The following ADCY8 variants were observed in gnomAD, a reference collection of about 807,000 sequenced individuals.
ADCY8 encodes the protein adenylate cyclase 8, also known as adenylate cyclase type 8.
Under a neutral mutation model 119.7 loss-of-function variants are expected in ADCY8, and 51 were observed. The ratio of observed to expected loss-of-function variants is 0.43; its 90% CI spans 0.34 to 0.54. The LOEUF is 0.54. ADCY8 is among the 20% of genes least tolerant of loss of function. The probability of loss-of-function intolerance (pLI) is 0.03; values close to 1 mark genes in which losing one functional copy is unlikely to be tolerated. For missense variants in ADCY8, 1,383 were observed against 1,598.8 expected (o/e 0.87, Z 2.30); for synonymous variants, 665 against 651.0 (o/e 1.02, Z -0.33).
intron 5 of ADCY8, among the ~76,000 whole-genome samples, chr8:130,922,212 T>C (rs1013752668): frequency 6.6e-4 from 100 of 151,436 alleles, no homozygotes; most frequent in Non-Finnish European, 1.1e-3. Flanking sequence ...CCCTTTCTTT[T>C]TTTTTTTTTT....
chr8:130,799,885 C>T (rs908488464), intron 15 of ADCY8, among the ~76,000 whole-genome samples: 2 of 152,140 alleles, frequency 1.3e-5, no homozygotes, highest in African/African-American at 4.8e-5. Context: ...GAGTAGAAGG[C>T]CCACTTGTGT....
At chr8:130,919,375 A>G (rs1015029789) in intron 5 of ADCY8, among the ~76,000 whole-genome samples, 1 of 152,216 alleles carries the variant, frequency 6.6e-6, no homozygotes, top group East Asian at 1.9e-4. Context: ...CTGTAGGCAC[A>G]TAGATACAGT....
intron 15 of ADCY8, among the ~76,000 whole-genome samples, chr8:130,788,727 C>T (rs748426128): frequency 2.6e-5 from 4 of 152,022 alleles, no homozygotes; most frequent in Non-Finnish European, 5.9e-5. Flanking sequence ...TGTATCAAAA[C>T]ATCACATTGT....
chr8:131,035,113 A>G (rs1361494273), intron 1 of ADCY8, among the ~76,000 whole-genome samples: 3 of 152,178 alleles, frequency 2.0e-5, no homozygotes, highest in Non-Finnish European at 2.9e-5. Flanking sequence ...TGGTGATACA[A>G]ACAATTGGTT....
chr8:130,921,449 CTTT>C (rs35570520), intron 5 of ADCY8, among the ~76,000 whole-genome samples: 53 of 107,620 alleles, frequency 4.9e-4, no homozygotes, highest in African/African-American at 1.7e-3. Context: ...TTTTTCTTTT[CTTT>C]TTTTTTTTTT....
At chr8:130,948,760 G>A (rs1388201577) in intron 3 of ADCY8, among the ~76,000 whole-genome samples, 1 of 152,136 alleles carries the variant, frequency 6.6e-6, no homozygotes, top group African/African-American at 2.4e-5. Flanking sequence ...ACCGCAGCGG[G>A]GTTGCTTTGG....
chr8:130,816,314 C>G (rs926931029), intron 13 of ADCY8, among the ~76,000 whole-genome samples: 6 of 151,878 alleles, frequency 4.0e-5, no homozygotes, highest in African/African-American at 9.7e-5. Context: ...CTTTGAGGAA[C>G]TGGTCTCCAA....
In ADCY8 at chr8:131,038,579, GA is replaced by G. The variant is rs962271267; in HGVS notation, c.960+794del. ...ATATCCATATTTAAGGGGAAGAATAGAAAAAAAAGGAGGAGAAAGGAGGGAA... is the reference window on the plus strand; with the variant it reads ...ATATCCATATTTAAGGGGAAGAATAGAAAAAAAGGAGGAGAAAGGAGGGAA... On this transcript the variant is annotated intron_variant, in intron 1 of 17. Transcript: ENST00000286355. 9.2e-5 allele frequency among the ~76,000 whole-genome samples: 14 copies of G among 151,388 alleles called. No individual in the cohort carries two copies. In the South Asian group the frequency reaches 1.0e-3, roughly 11 times the overall value.
At chr8:130,882,611 C>G (rs1368034259) in intron 8 of ADCY8, among the ~76,000 whole-genome samples, 4 of 152,176 alleles carry the variant, frequency 2.6e-5, no homozygotes, top group African/African-American at 9.6e-5. Context: ...CCCTCTCTGA[C>G]AGTTTGACTT....
intron 8 of ADCY8, among the ~76,000 whole-genome samples, chr8:130,875,458 A>T (rs1818526081): frequency 6.6e-6 from 1 of 152,216 alleles, no homozygotes; most frequent in African/African-American, 2.4e-5. Flanking sequence ...CATTTGGTTC[A>T]TGCTTCATGT....
chr8:130,843,457 T>C (rs1225936208), intron 11 of ADCY8, among the ~76,000 whole-genome samples: 2 of 152,182 alleles, frequency 1.3e-5, no homozygotes, highest in African/African-American at 2.4e-5. Context: ...CTCAGCTTAG[T>C]ATTCTCAAAT....
intron 3 of ADCY8, among the ~76,000 whole-genome samples, chr8:130,944,482 T>C (rs942912263): frequency 1.3e-5 from 2 of 152,232 alleles, no homozygotes; most frequent in African/African-American, 2.4e-5. Flanking sequence ...AGTCTTACAA[T>C]CAGCCTATGA....
At chr8:130,856,242 C>T (rs1817728254) in intron 9 of ADCY8, among the ~76,000 whole-genome samples, 1 of 152,030 alleles carries the variant, frequency 6.6e-6, no homozygotes, top group African/African-American at 2.4e-5. Context: ...ATAGTCATCA[C>T]CCCATATGAT....
intron 8 of ADCY8, among the ~76,000 whole-genome samples, chr8:130,881,637 A>G (rs193024878): frequency 6.6e-6 from 1 of 152,230 alleles, no homozygotes; most frequent in African/African-American, 2.4e-5. Context: ...TAAATATTGT[A>G]TGTATTTAAA....
intron 14 of ADCY8, among the ~76,000 whole-genome samples, chr8:130,805,171 A>G (rs142508478): frequency 8.7e-4 from 133 of 152,350 alleles, no homozygotes; most frequent in African/African-American, 2.9e-3. Context: ...GCCAAGCACA[A>G]TGCAAAAGAT....
intron 11 of ADCY8, among the ~76,000 whole-genome samples, chr8:130,838,162 T>C (rs1037341482): frequency 6.6e-6 from 1 of 152,182 alleles, no homozygotes; most frequent in African/African-American, 2.4e-5. Context: ...TTTCAACAAA[T>C]GTTGACATTG....
intron 1 of ADCY8, among the ~76,000 whole-genome samples, chr8:131,036,766 GA>G (rs969302758): frequency 6.6e-5 from 10 of 152,250 alleles, no homozygotes; most frequent in African/African-American, 2.4e-4. Context: ...AAAAGACCCA[GA>G]ATTAGGAAGA....
intron 1 of ADCY8, among the ~76,000 whole-genome samples, chr8:131,036,098 T>C (rs907598357): frequency 1.3e-5 from 2 of 152,190 alleles, no homozygotes; most frequent in Non-Finnish European, 2.9e-5. Flanking sequence ...TGAAGAATAA[T>C]TGGCATCAGA....
At chr8:130,827,438 A>T (rs573664053) in intron 12 of ADCY8, among the ~76,000 whole-genome samples, 3 of 152,278 alleles carry the variant, frequency 2.0e-5, no homozygotes, top group South Asian at 2.1e-4. Flanking sequence ...AGCTTTCCCC[A>T]TGCTCTATGT....
Sources: gnomAD v4.1 joint callset for allele counts (sites outside exome capture counted in the v4.1 genomes callset) on GRCh38, gnomAD v4.1.1 for gene constraint, MANE v1.5 for transcripts, NCBI Gene and HGNC (gene_info 2026-07-23, HGNC 2026-07-21) for gene names.